Variants in ENTPD4 observed in about 807,000 individuals in gnomAD.
The protein encoded by ENTPD4 is Golgi UDPase.
Under a neutral mutation model 79.1 loss-of-function variants are expected in ENTPD4, and 60 were observed. The observed-to-expected ratio is 0.76, with a 90% confidence interval of 0.62 to 0.94. ENTPD4 has a LOEUF of 0.94. Among genes scored for constraint, ENTPD4 ranks in the 40% least tolerant of loss-of-function variants. The probability of loss-of-function intolerance (pLI) is 0.00; values close to 1 mark genes in which losing one functional copy is unlikely to be tolerated. For synonymous variants in ENTPD4, 276 were observed against 292.0 expected (o/e 0.95, Z 0.56); for missense variants, 772 against 775.1 (o/e 1.00, Z 0.05).
rs757397393 is a variant in ENTPD4 at position 23,448,907 on chromosome 8, CAAG to C, written c.38_40del (p.Ser13del). On this transcript the variant is annotated inframe_deletion, in exon 3 of 13. Transcript: ENST00000358689. ...CCCTACTGGAGATATGCTAAAATGCCAAGAAGCAGGAAAAAGACAGGAGATGCC... is the reference window on the plus strand; with the variant it reads ...CCCTACTGGAGATATGCTAAAATGCCAAGCAGGAAAAAGACAGGAGATGCC... 1.5e-5 allele frequency: 25 copies of C among 1,613,832 alleles called. No homozygotes were observed. Among genetic ancestry groups the C allele is most frequent in the Non-Finnish European group, 2.1e-5 (25 of 1,179,900 alleles).
chr8:23,437,185 C>T lies in ENTPD4; in HGVS notation c.1123G>A (p.Asp375Asn). ...LDPCLPLDIK[D>N]EIQQNGQTIY... ...GTTTGTCCATTTTGCTGGATTTCAT[C>T]TTTAATGTCTAGGGGTAGGCAGGGG... The change falls in exon 10 of 13, where the codon GAT becomes AAT. Residue 375 changes from aspartate (D) to asparagine (N), a missense_variant. Coordinates refer to ENST00000358689, the MANE Select transcript of ENTPD4 (RefSeq NM_004901.5). 6.2e-7 allele frequency: 1 copy of T among 1,614,158 alleles called. No individual in the cohort carries two copies. The highest frequency in any genetic ancestry group is 1.1e-5 in the South Asian group (1 of 91,086).
intron 2 of ENTPD4, 48 bp from the exon 3 acceptor site, chr8:23,448,987 C>G (rs998292767): frequency 7.0e-7 from 1 of 1,437,590 alleles, no homozygotes; most frequent in Admixed American, 1.7e-5. Flanking sequence ...TCCAATGAGG[C>G]TTCCTTCACC....
intron 2 of ENTPD4, 53 bp from the exon 3 acceptor site, chr8:23,448,992 T>C: frequency 1.4e-6 from 2 of 1,438,048 alleles, no homozygotes; most frequent in Non-Finnish European, 1.9e-6. Context: ...TGAGGCTTCC[T>C]TCACCTAAAG....
intron 4 of ENTPD4, among the ~76,000 whole-genome samples, chr8:23,446,171 T>C (rs1010758129): frequency 1.3e-5 from 2 of 152,244 alleles, no homozygotes; most frequent in Admixed American, 6.5e-5. Context: ...TTCCATTTCA[T>C]ACACTTTGTA....
chr8:23,438,027 T>C (rs1754999930), intron 9 of ENTPD4, among the ~76,000 whole-genome samples: 1 of 152,242 alleles, frequency 6.6e-6, no homozygotes, highest in Non-Finnish European at 1.5e-5. Flanking sequence ...CAGTTTCCAT[T>C]GTACAATGGG....
Position 23,451,252 on chromosome 8 carries a change from C to T in ENTPD4, c.-97-1255G>A, listed in dbSNP as rs538734384. On this transcript the variant is annotated intron_variant, in intron 1 of 12. Transcript: ENST00000358689. The stretch of plus-strand genomic sequence containing the variant: ...GGCCAGGCTGGTCTCGAGCCCCTGA[C>T]CCGGTGATCTGCCGGCCTCAGCCTC... Among the ~76,000 whole-genome samples the T allele has an allele frequency of 3.3e-5, 5 of 152,198 alleles. No homozygotes were observed. The East Asian group carries it at 9.7e-4, about 29-fold the overall frequency.
chr8:23,448,147 C>T (rs965521939), intron 3 of ENTPD4, among the ~76,000 whole-genome samples: 1 of 152,144 alleles, frequency 6.6e-6, no homozygotes, highest in Admixed American at 6.5e-5. Context: ...TCTAAACTAC[C>T]AACTCAAAAA....
intron 9 of ENTPD4, among the ~76,000 whole-genome samples, chr8:23,439,226 GCCA>G (rs1475005144): frequency 6.6e-6 from 1 of 152,102 alleles, no homozygotes; most frequent in East Asian, 1.9e-4. Flanking sequence ...AAATTCAAAA[GCCA>G]CTAACTCTGA....
intron 11 of ENTPD4, chr8:23,434,780 G>T: frequency 9.2e-7 from 1 of 1,088,596 alleles, no homozygotes; most frequent in Non-Finnish European, 1.2e-6. Flanking sequence ...TGTACTCCTT[G>T]AATGAATACT....
chr8:23,430,101 A>G lies in ENTPD4; in HGVS notation c.*2825T>C. 1 of 985,426 alleles carries G rather than the reference A, an allele frequency of 1.0e-6. No homozygotes were observed. Among genetic ancestry groups the G allele is most frequent in the South Asian group, 4.7e-5 (1 of 21,290 alleles). 61.0% of individuals were successfully genotyped at this position (985,426 alleles called of 1,614,324 possible). ...CCTTCTTGGTCAGCTCTTGGTATGA[A>G]TTCTTCTCTTGAATTAAGATCCTCC... On this transcript the variant is annotated 3_prime_UTR_variant, in exon 13 of 13. Transcript: ENST00000358689.
In ENTPD4 at chr8:23,429,165, G is replaced by C; in HGVS notation, c.*3761C>G. ...AGCCCACACAGTCTACGGGCCATGGGATGATGAACTTTCGTTTTATTGATT... is the reference window on the plus strand; with the variant it reads ...AGCCCACACAGTCTACGGGCCATGGCATGATGAACTTTCGTTTTATTGATT... On this transcript the variant is annotated 3_prime_UTR_variant, in exon 13 of 13. Coordinates refer to ENST00000358689, the MANE Select transcript of ENTPD4 (RefSeq NM_004901.5). The C allele has an allele frequency of 3.0e-6, 3 of 985,352 alleles. No homozygotes were observed. The highest frequency in any genetic ancestry group is 3.6e-6 in the Non-Finnish European group (3 of 829,862). 61.0% of individuals were successfully genotyped at this position (985,352 alleles called of 1,614,324 possible).
At chr8:23,433,546 G>C (rs980631274) in intron 12 of ENTPD4, among the ~76,000 whole-genome samples, 1 of 152,116 alleles carries the variant, frequency 6.6e-6, no homozygotes, top group East Asian at 1.9e-4. Context: ...GAGGGGGTGG[G>C]GGGAAGAGCA....
At chr8:23,434,582 C>T (rs1447988126) in intron 11 of ENTPD4, 104 bp from the exon 12 acceptor site, 3 of 1,534,098 alleles carry the variant, frequency 2.0e-6, no homozygotes, top group Non-Finnish European at 2.6e-6. Context: ...AGCCTTGGGG[C>T]AGGGGCTTCC....
Position 23,430,239 on chromosome 8 carries a change from G to A in ENTPD4, c.*2687C>T, listed in dbSNP as rs377246729. On this transcript the variant is annotated 3_prime_UTR_variant, in exon 13 of 13. Coordinates refer to ENST00000358689, the MANE Select transcript of ENTPD4 (RefSeq NM_004901.5). ...GCTGCGACTGCAGACATCTCCATAC[G>A]GCATAATGAACTCCCTTGAGTGGTC... 3 of 985,420 alleles carry A rather than the reference G, an allele frequency of 3.0e-6. No homozygotes were observed. Among genetic ancestry groups the A allele is most frequent in the Admixed American group, 6.1e-5 (1 of 16,276 alleles). The allele number at this position is 985,420 out of a possible 1,614,324, so 61.0% of individuals were successfully genotyped here.
chr8:23,435,353 T>C (rs1800537477), intron 11 of ENTPD4, 39 bp downstream of exon 11: 1 of 1,466,212 alleles, frequency 6.8e-7, no homozygotes, highest in African/African-American at 1.4e-5. Context: ...TGCATTATGG[T>C]TCTTAAGAGT....
intron 5 of ENTPD4, 65 bp downstream of exon 5, chr8:23,444,391 G>A (rs1800727554): frequency 2.1e-6 from 3 of 1,402,234 alleles, no homozygotes; most frequent in Non-Finnish European, 3.0e-6. Flanking sequence ...GAGGAAGGGG[G>A]AGAAGAACAC....
chr8:23,454,070 A>G (rs559563931), intron 1 of ENTPD4, among the ~76,000 whole-genome samples: 52 of 152,364 alleles, frequency 3.4e-4, no homozygotes, highest in African/African-American at 1.1e-3. Context: ...CAATGAGATC[A>G]GGTATCATCT....
intron 4 of ENTPD4, among the ~76,000 whole-genome samples, chr8:23,447,392 C>A (rs1254708098): frequency 6.6e-6 from 1 of 152,170 alleles, no homozygotes; most frequent in African/African-American, 2.4e-5. Flanking sequence ...AAAAACTCTC[C>A]ATAATTAATG....
intron 4 of ENTPD4, among the ~76,000 whole-genome samples, chr8:23,446,713 G>A (rs1444541110): frequency 1.3e-5 from 2 of 152,134 alleles, no homozygotes; most frequent in African/African-American, 4.8e-5. Context: ...GAATTATTCC[G>A]TAAAGAATGA....
Sources: allele counts gnomAD v4.1 joint callset (sites outside exome capture counted in the v4.1 genomes callset), GRCh38; gene constraint gnomAD v4.1.1; transcripts MANE v1.5; gene names NCBI Gene and HGNC (gene_info 2026-07-23, HGNC 2026-07-21).